The following PPP1R12B variants were observed in gnomAD, a reference collection of about 807,000 sequenced individuals.
The protein encoded by PPP1R12B is myosin phosphatase target subunit 2.
In PPP1R12B, 76 loss-of-function variants were observed where a neutral mutation model predicts 126.1. That is an observed-to-expected ratio of 0.60 (90% CI 0.50 to 0.73). PPP1R12B has a LOEUF of 0.73. Ranked by LOEUF, PPP1R12B falls within the 30% of genes least tolerant of loss-of-function variation. PPP1R12B has a pLI of 0.00. For synonymous variants in PPP1R12B, 356 were observed against 434.7 expected, an observed-to-expected ratio of 0.82 and a Z score of 2.25; for missense variants, 1,052 against 1,205.1, an observed-to-expected ratio of 0.87 and a Z score of 1.88.
At chr1:202,450,870 G>A (rs184689907) in intron 13 of PPP1R12B, among the ~76,000 whole-genome samples, 16 of 152,216 alleles carry the variant, frequency 1.1e-4, no homozygotes, top group African/African-American at 3.1e-4. Flanking sequence ...TGAATTTTAG[G>A]ATTATTTTTT....
chr1:202,348,909 GC>G lies in PPP1R12B; in HGVS notation c.59del (p.Ala20GlufsTer11). On this transcript the variant is annotated frameshift_variant, in exon 1 of 24. Coordinates refer to ENST00000608999, the MANE Select transcript of PPP1R12B (RefSeq NM_002481.4). LOFTEE classifies it high-confidence loss of function. ...KRAESARMRR[A>X]EQLRRWRGSL... ...GGCAGAGTCGGCGCGAATGCGGCGG[GC>G]AGAGCAGCTTCGGCGCTGGCGGGGC... is the stretch of plus-strand genomic sequence containing the variant. The G allele has an allele frequency of 3.1e-6, 5 of 1,609,910 alleles. No homozygotes were observed. Among genetic ancestry groups the G allele is most frequent in the Non-Finnish European group, 4.2e-6 (5 of 1,178,952 alleles).
chr1:202,411,529 C>A (rs1218884051), intron 1 of PPP1R12B, among the ~76,000 whole-genome samples: 2 of 151,794 alleles, frequency 1.3e-5, no homozygotes, highest in African/African-American at 4.8e-5. Flanking sequence ...AAACTTCTTT[C>A]CTCCTATAAG....
At chr1:202,521,738 C>T (rs545320166) in intron 18 of PPP1R12B, among the ~76,000 whole-genome samples, 1 of 152,080 alleles carries the variant, frequency 6.6e-6, no homozygotes, top group African/African-American at 2.4e-5. Context: ...CTCTAACATA[C>T]ATCTGCTAGG....
At chr1:202,439,075 C>A in intron 10 of PPP1R12B, 1 of 1,426,370 alleles carries the variant, frequency 7.0e-7, no homozygotes, top group Non-Finnish European at 9.9e-7. Context: ...ACCTTGCCAT[C>A]AAGACCATCA....
intron 13 of PPP1R12B, 22 bp downstream of exon 13, chr1:202,449,193 A>G (rs374312355): frequency 6.4e-7 from 1 of 1,572,988 alleles, no homozygotes; most frequent in African/African-American, 1.4e-5. Context: ...TACTGATTTC[A>G]TTTGTGGGGC....
intron 1 of PPP1R12B, among the ~76,000 whole-genome samples, chr1:202,402,450 T>A (rs1387647767): frequency 2.0e-5 from 3 of 152,244 alleles, no homozygotes; most frequent in Admixed American, 6.5e-5. Flanking sequence ...GGCTATGTTT[T>A]GTTGTATCAT....
intron 1 of PPP1R12B, among the ~76,000 whole-genome samples, chr1:202,373,663 G>T (rs1186746140): frequency 2.7e-5 from 4 of 148,162 alleles, no homozygotes. Context: ...AGATATCTTT[G>T]TTTTTTTTTT....
intron 21 of PPP1R12B, 98 bp downstream of exon 21, chr1:202,564,645 A>C (rs1279742498): frequency 1.1e-6 from 1 of 937,444 alleles, no homozygotes; most frequent in African/African-American, 1.7e-5. Flanking sequence ...AGATAGAGTC[A>C]AGATCAGGCC....
At chr1:202,470,782 G>T (rs538495111) in intron 13 of PPP1R12B, among the ~76,000 whole-genome samples, 7 of 152,038 alleles carry the variant, frequency 4.6e-5, no homozygotes, top group African/African-American at 1.7e-4. Flanking sequence ...GCCTGTGCCT[G>T]TAATCCCAGC....
intron 13 of PPP1R12B, among the ~76,000 whole-genome samples, chr1:202,458,347 C>T (rs1673908616): frequency 9.4e-6 from 1 of 106,422 alleles, no homozygotes. Flanking sequence ...GAGAGTGGGA[C>T]GTGGGAGTGG....
chr1:202,392,742 G>C (rs1400114568), intron 1 of PPP1R12B, among the ~76,000 whole-genome samples: 1 of 151,766 alleles, frequency 6.6e-6, no homozygotes, highest in Admixed American at 6.6e-5. Flanking sequence ...TCTCAGGCTG[G>C]TCTCAAACTC....
In PPP1R12B at chr1:202,404,237, T is replaced by C. The variant is rs117791528; in HGVS notation, c.292-12550T>C. On this transcript the variant is annotated intron_variant, in intron 1 of 23. Coordinates refer to ENST00000608999, the MANE Select transcript of PPP1R12B (RefSeq NM_002481.4). ...TCCTACCAGCCACAATTCCTTCTAT[T>C]TTCCACTAGCCTGTAGGGTAAAGTT... Among the ~76,000 whole-genome samples the C allele has an allele frequency of 2.6e-4, 39 of 152,262 alleles. No individual in the cohort carries two copies. The East Asian group carries it at 6.4e-3, about 25-fold the overall frequency.
intron 1 of PPP1R12B, among the ~76,000 whole-genome samples, chr1:202,406,804 T>A (rs754757666): frequency 2.0e-5 from 3 of 152,270 alleles, no homozygotes; most frequent in Admixed American, 2.0e-4. Context: ...TCAGCTCTTA[T>A]GTACAGAATT....
chr1:202,406,149 GCA>G (rs1271687984), intron 1 of PPP1R12B, among the ~76,000 whole-genome samples: 1 of 152,148 alleles, frequency 6.6e-6, no homozygotes, highest in Non-Finnish European at 1.5e-5. Flanking sequence ...TTGTTTATGG[GCA>G]CAGAGTGATC....
At chr1:202,571,445 G>GT (rs5780114) in intron 23 of PPP1R12B, among the ~76,000 whole-genome samples, 65,401 of 150,206 alleles carry the variant, frequency 0.44, 15,423 homozygotes, top group East Asian at 0.7. Context: ...GCTGTTTTTT[G>GT]TTTTTTTTTT....
intron 18 of PPP1R12B, among the ~76,000 whole-genome samples, chr1:202,523,475 A>G (rs1398359187): frequency 6.6e-6 from 1 of 152,218 alleles, no homozygotes; most frequent in Admixed American, 6.5e-5. Context: ...ATTTCTTCAG[A>G]TGTAGTGTAG....
intron 23 of PPP1R12B, among the ~76,000 whole-genome samples, chr1:202,572,637 G>T (rs1340260): frequency 2.6e-5 from 4 of 152,094 alleles, no homozygotes; most frequent in Admixed American, 6.5e-5. Context: ...TGGTCTTGGC[G>T]CCCACATCAG....
Position 202,354,377 on chromosome 1 carries a change from C to T in PPP1R12B, c.291+5235C>T, listed in dbSNP as rs143777669. On this transcript the variant is annotated intron_variant, in intron 1 of 23. Coordinates refer to ENST00000608999, the MANE Select transcript of PPP1R12B (RefSeq NM_002481.4). Reference sequence around the variant, plus strand: ...CTTGAGCTCAGGAGTTTGAGACCAGCGTGGGCAACATAGCAAAACCTTGTC... The same window carrying T: ...CTTGAGCTCAGGAGTTTGAGACCAGTGTGGGCAACATAGCAAAACCTTGTC... Among the ~76,000 whole-genome samples, 466 of 152,210 alleles carry T rather than the reference C, an allele frequency of 3.1e-3. 4 individuals carry two copies. Among genetic ancestry groups the T allele is most frequent in the African/African-American group, 0.011 (447 of 41,526 alleles).
At chr1:202,349,385 A>G (rs1483357784) in intron 1 of PPP1R12B, among the ~76,000 whole-genome samples, 1 of 151,752 alleles carries the variant, frequency 6.6e-6, no homozygotes, top group Non-Finnish European at 1.5e-5. Context: ...CCCTCCACCT[A>G]CTTGTGTTGT....
Sources: allele counts gnomAD v4.1 joint callset (sites outside exome capture counted in the v4.1 genomes callset), GRCh38; gene constraint gnomAD v4.1.1; transcripts MANE v1.5; gene names NCBI Gene and HGNC (gene_info 2026-07-23, HGNC 2026-07-21).